Variants in TBC1D32 observed in about 807,000 individuals in gnomAD.
The protein encoded by TBC1D32 is protein broad-minded.
Under a neutral mutation model 170.3 loss-of-function variants are expected in TBC1D32, and 151 were observed. That is an observed-to-expected ratio of 0.89 (90% CI 0.78 to 1.01). TBC1D32 has a LOEUF of 1.01. TBC1D32 is among the 50% of genes least tolerant of loss of function. The pLI, the probability that TBC1D32 is intolerant of heterozygous loss-of-function variation, is 0.00. For synonymous variants in TBC1D32, 498 were observed against 488.0 expected (o/e 1.02, Z -0.27); for missense variants, 1,464 against 1,457.1 (o/e 1.00, Z -0.08).
chr6:121,167,898 G>A (rs1420940556), intron 22 of TBC1D32, among the ~76,000 whole-genome samples: 1 of 484 alleles, frequency 2.1e-3, no homozygotes, highest in African/African-American at 0.015. Context: ...AAAAGTGGGC[G>A]AAGGACATGA....
At chr6:121,254,870 A>G (rs1798761771) in intron 17 of TBC1D32, among the ~76,000 whole-genome samples, 1 of 152,152 alleles carries the variant, frequency 6.6e-6, no homozygotes, top group Non-Finnish European at 1.5e-5. Context: ...GGAGACATAT[A>G]AATTAAAATT....
At chr6:121,272,484 T>C (rs1801600008) in intron 15 of TBC1D32, among the ~76,000 whole-genome samples, 1 of 152,170 alleles carries the variant, frequency 6.6e-6, no homozygotes, top group South Asian at 2.1e-4. Flanking sequence ...AAGACATTTA[T>C]GCAGCCCACA....
intron 19 of TBC1D32, among the ~76,000 whole-genome samples, chr6:121,240,478 A>G (rs1045615331): frequency 1.3e-5 from 2 of 148,766 alleles, no homozygotes; most frequent in African/African-American, 2.5e-5. Flanking sequence ...ATTTGTATTT[A>G]AAGAGAGAAT....
chr6:121,238,193 A>G (rs995342545), intron 20 of TBC1D32, among the ~76,000 whole-genome samples: 1 of 152,036 alleles, frequency 6.6e-6, no homozygotes, highest in African/African-American at 2.4e-5. Flanking sequence ...TAAGCTTTCT[A>G]TTCTGGTGCT....
intron 31 of TBC1D32, among the ~76,000 whole-genome samples, chr6:121,085,667 TG>T (rs934018091): frequency 6.6e-6 from 1 of 152,014 alleles, no homozygotes; most frequent in African/African-American, 2.4e-5. Context: ...TTAACAGGTC[TG>T]GGAAGGAATC....
chr6:121,106,753 C>T (rs1395580247), intron 29 of TBC1D32, among the ~76,000 whole-genome samples: 4 of 151,920 alleles, frequency 2.6e-5, no homozygotes, highest in African/African-American at 9.7e-5. Context: ...CATCAAGGTT[C>T]TCAGGCCAAC....
chr6:121,224,497 C>G (rs1052307001), intron 20 of TBC1D32: 1 of 152,092 alleles, frequency 6.6e-6, no homozygotes, highest in African/African-American at 2.4e-5. Flanking sequence ...AAGAACATTT[C>G]ATTCAATCTC....
At chr6:121,175,146 C>G (rs1787594678) in intron 22 of TBC1D32, among the ~76,000 whole-genome samples, 1 of 152,080 alleles carries the variant, frequency 6.6e-6, no homozygotes, top group Non-Finnish European at 1.5e-5. Context: ...TCAATGTTAT[C>G]ATCAACCCAG....
At chr6:121,084,862 A>G (rs1776021445) in intron 31 of TBC1D32, among the ~76,000 whole-genome samples, 1 of 152,114 alleles carries the variant, frequency 6.6e-6, no homozygotes, top group Non-Finnish European at 1.5e-5. Context: ...ATTCTCTGAT[A>G]TATTCTTTCC....
chr6:121,308,523 T>C (rs1307988903), intron 4 of TBC1D32, among the ~76,000 whole-genome samples: 1 of 151,872 alleles, frequency 6.6e-6, no homozygotes, highest in Non-Finnish European at 1.5e-5. Context: ...AGCATTTCCA[T>C]TCTAGGATAT....
At chr6:121,331,583 T>G (rs1027535491) in intron 1 of TBC1D32, among the ~76,000 whole-genome samples, 1 of 152,148 alleles carries the variant, frequency 6.6e-6, no homozygotes, top group Non-Finnish European at 1.5e-5. Flanking sequence ...TCACTTGGAT[T>G]TAACGAATCA....
intron 22 of TBC1D32, among the ~76,000 whole-genome samples, chr6:121,182,305 C>T (rs1451203101): frequency 6.6e-6 from 1 of 151,838 alleles, no homozygotes; most frequent in Non-Finnish European, 1.5e-5. Context: ...TATATTTGTA[C>T]TATTTCATTA....
intron 22 of TBC1D32, chr6:121,192,287 GT>G (rs1194034365): frequency 1.3e-5 from 2 of 151,918 alleles, no homozygotes; most frequent in Non-Finnish European, 2.9e-5. Context: ...GGCATGAACT[GT>G]TTAGAGAGTT....
intron 20 of TBC1D32, among the ~76,000 whole-genome samples, chr6:121,229,947 A>ACTCTCT (rs939225975): frequency 3.3e-5 from 5 of 149,282 alleles, no homozygotes; most frequent in African/African-American, 1.2e-4. Context: ...GTTCCCCTTC[A>ACTCTCT]CTCTCTCTCT....
At chr6:121,169,510 T>C (rs1786648148) in intron 22 of TBC1D32, among the ~76,000 whole-genome samples, 2 of 152,314 alleles carry the variant, frequency 1.3e-5, no homozygotes, top group Admixed American at 1.3e-4. Context: ...ATGACATTAA[T>C]TAAAGAATAC....
At chr6:121,251,297 T>A (rs545523627) in intron 17 of TBC1D32, among the ~76,000 whole-genome samples, 4 of 152,186 alleles carry the variant, frequency 2.6e-5, no homozygotes, top group African/African-American at 4.8e-5. Flanking sequence ...AGAACAAAGC[T>A]GGAGGCATCA....
intron 24 of TBC1D32, among the ~76,000 whole-genome samples, chr6:121,145,411 A>G (rs954374570): frequency 1.3e-5 from 2 of 152,144 alleles, no homozygotes; most frequent in Non-Finnish European, 2.9e-5. Context: ...GCAAACTGAA[A>G]AATTTAAACT....
intron 13 of TBC1D32, among the ~76,000 whole-genome samples, chr6:121,282,595 G>C (rs1169698584): frequency 6.6e-6 from 1 of 151,752 alleles, no homozygotes; most frequent in African/African-American, 2.4e-5. Flanking sequence ...CCAGCTTCAA[G>C]TGAGAAACCC....
intron 13 of TBC1D32, among the ~76,000 whole-genome samples, chr6:121,283,230 A>T (rs190414974): frequency 6.6e-6 from 1 of 151,968 alleles, no homozygotes; most frequent in African/African-American, 2.4e-5. Context: ...GTCTATGCAC[A>T]CTGGTGTGTT....
Sources: gnomAD v4.1 joint callset for allele counts (sites outside exome capture counted in the v4.1 genomes callset) on GRCh38, gnomAD v4.1.1 for gene constraint, MANE v1.5 for transcripts, NCBI Gene and HGNC (gene_info 2026-07-23, HGNC 2026-07-21) for gene names.